Variants in SDK1 observed in about 807,000 individuals in gnomAD.
SDK1 encodes the protein sidekick cell adhesion molecule 1.
SDK1 carries 157 observed loss-of-function variants against 245.5 expected under a neutral mutation model. That is an observed-to-expected ratio of 0.64 (90% CI 0.56 to 0.73). SDK1 has a LOEUF of 0.73. SDK1 is among the 30% of genes least tolerant of loss of function. The probability of loss-of-function intolerance (pLI) is 0.00; values close to 1 mark genes in which losing one functional copy is unlikely to be tolerated. For missense variants in SDK1, 3,583 were observed against 3,002.3 expected (o/e 1.19, Z -4.52); for synonymous variants, 1,647 against 1,278.5 (o/e 1.29, Z -6.15).
At chr7:3,722,606 T>A (rs1218642829) in intron 4 of SDK1, among the ~76,000 whole-genome samples, 1 of 152,218 alleles carries the variant, frequency 6.6e-6, no homozygotes, top group Non-Finnish European at 1.5e-5. Context: ...CTTAGCACGC[T>A]GCACAATTCC....
intron 4 of SDK1, among the ~76,000 whole-genome samples, chr7:3,809,919 G>A (rs1220216400): frequency 1.3e-5 from 2 of 152,176 alleles, no homozygotes; most frequent in African/African-American, 4.8e-5. Flanking sequence ...AGCTCACGAA[G>A]TAAGAATGGC....
At chr7:3,464,409 TAC>T (rs1395487272) in intron 1 of SDK1, among the ~76,000 whole-genome samples, 1 of 152,092 alleles carries the variant, frequency 6.6e-6, no homozygotes, top group Non-Finnish European at 1.5e-5. Context: ...TAGCCCCAGC[TAC>T]ACAGGAGACT....
intron 4 of SDK1, among the ~76,000 whole-genome samples, chr7:3,678,082 A>C (rs1045392741): frequency 6.6e-6 from 1 of 152,198 alleles, no homozygotes; most frequent in Non-Finnish European, 1.5e-5. Context: ...CCACAATTAG[A>C]CACAACTTCA....
At chr7:3,369,601 TATTGAAGAATAGG>T (rs1465439813) in intron 1 of SDK1, among the ~76,000 whole-genome samples, 2 of 152,248 alleles carry the variant, frequency 1.3e-5, no homozygotes, top group African/African-American at 4.8e-5. Context: ...TTACATCTCC[TATTGAAGAATAGG>T]ATGTTGTATA....
chr7:3,890,351 C>T (rs901836752), intron 5 of SDK1, among the ~76,000 whole-genome samples: 11 of 152,124 alleles, frequency 7.2e-5, no homozygotes, highest in Non-Finnish European at 1.0e-4. Context: ...GACTTTGTGC[C>T]GGGAAAAATG....
intron 32 of SDK1, among the ~76,000 whole-genome samples, chr7:4,162,801 T>G (rs1332244151): frequency 1.3e-5 from 2 of 152,200 alleles, no homozygotes; most frequent in Admixed American, 6.5e-5. Flanking sequence ...AATGCTCCAG[T>G]AAGGCATTGA....
At chr7:3,529,494 A>G (rs757026032) in intron 1 of SDK1, among the ~76,000 whole-genome samples, 2 of 152,206 alleles carry the variant, frequency 1.3e-5, no homozygotes, top group African/African-American at 4.8e-5. Flanking sequence ...AATTTGAGCA[A>G]GAGAGTAAAT....
At chr7:3,390,532 GGCTTTT>G (rs1263943615) in intron 1 of SDK1, among the ~76,000 whole-genome samples, 12 of 152,204 alleles carry the variant, frequency 7.9e-5, no homozygotes, top group African/African-American at 2.7e-4. Context: ...TTGGAAATTG[GGCTTTT>G]GCAGATGTAA....
In SDK1 at chr7:3,614,113, G is replaced by GA. The variant is rs529085251; in HGVS notation, c.299-4965dup. Reference sequence around the variant, plus strand: ...ATGTAACAAACCTGCACATCCTGCTGAACCTGAACTTAAAAGTTAAAAATT... The same window carrying GA: ...ATGTAACAAACCTGCACATCCTGCTGAAACCTGAACTTAAAAGTTAAAAATT... On this transcript the variant is annotated intron_variant, in intron 1 of 44. Coordinates refer to ENST00000404826, the MANE Select transcript of SDK1 (RefSeq NM_152744.4). Among the ~76,000 whole-genome samples the GA allele has an allele frequency of 1.4e-3, 211 of 152,256 alleles. 1 individual carries two copies. Among genetic ancestry groups the GA allele is most frequent in the African/African-American group, 4.8e-3 (200 of 41,536 alleles).
intron 19 of SDK1, among the ~76,000 whole-genome samples, chr7:4,055,742 T>G (rs991091743): frequency 3.9e-5 from 6 of 152,132 alleles, no homozygotes; most frequent in Non-Finnish European, 7.4e-5. Context: ...TGAAGACCTT[T>G]CCTTGTTTCC....
In SDK1 at chr7:3,337,144, A is replaced by C. The variant is rs1780222549; in HGVS notation, c.298+35260A>C. On this transcript the variant is annotated intron_variant, in intron 1 of 44. Transcript: ENST00000404826. Reference sequence around the variant, plus strand: ...CAAGGATTTGAAAGCTGCTATGATAAAATGTTTCAACAAGCTATTACAAAT... The same window carrying C: ...CAAGGATTTGAAAGCTGCTATGATACAATGTTTCAACAAGCTATTACAAAT... Among the ~76,000 whole-genome samples the C allele has an allele frequency of 2.6e-5, 4 of 152,344 alleles. No individual in the cohort carries two copies. In the South Asian group the frequency reaches 8.3e-4, roughly 32 times the overall value.
rs569929164 is a variant in SDK1, at chr7:3,974,114, G to T, written c.1818-255G>T. On this transcript the variant is annotated intron_variant, in intron 12 of 44. Coordinates refer to ENST00000404826, the MANE Select transcript of SDK1 (RefSeq NM_152744.4). ...CACAAGAATTGCTTGAACCCAGGAGGTGGAGGCTGCAGTGGGCCAAGATCA... is the reference window on the plus strand; with the variant it reads ...CACAAGAATTGCTTGAACCCAGGAGTTGGAGGCTGCAGTGGGCCAAGATCA... Among the ~76,000 whole-genome samples the T allele has an allele frequency of 2.7e-5, 4 of 150,548 alleles. No homozygotes were observed. The South Asian group carries it at 8.4e-4, about 32-fold the overall frequency.
chr7:4,105,990 C>G (rs1782876703), intron 22 of SDK1, among the ~76,000 whole-genome samples: 1 of 152,088 alleles, frequency 6.6e-6, no homozygotes, highest in Non-Finnish European at 1.5e-5. Context: ...GGCACCTGTT[C>G]CAATCGACAT....
At chr7:3,455,986 A>G (rs1285114596) in intron 1 of SDK1, among the ~76,000 whole-genome samples, 1 of 152,184 alleles carries the variant, frequency 6.6e-6, no homozygotes, top group Non-Finnish European at 1.5e-5. Context: ...TCATTCCTCA[A>G]GGGTGATTTC....
chr7:3,552,863 A>G (rs1347860392), intron 1 of SDK1, among the ~76,000 whole-genome samples: 1 of 152,206 alleles, frequency 6.6e-6, no homozygotes, highest in Non-Finnish European at 1.5e-5. Context: ...GTAAGTTGGG[A>G]TCTTACTGTT....
At chr7:3,314,434 A>C (rs1779616464) in intron 1 of SDK1, among the ~76,000 whole-genome samples, 2 of 152,200 alleles carry the variant, frequency 1.3e-5, no homozygotes, top group Non-Finnish European at 2.9e-5. Context: ...AGTTAGATTA[A>C]ATGTGCAGGG....
chr7:3,695,127 A>C (rs1784536131), intron 4 of SDK1, among the ~76,000 whole-genome samples: 1 of 152,188 alleles, frequency 6.6e-6, no homozygotes, highest in South Asian at 2.1e-4. Context: ...CTCTTTCTTA[A>C]TTGCTAAAAA....
At chr7:3,681,709 ATAG>A (rs1202268883) in intron 4 of SDK1, among the ~76,000 whole-genome samples, 2 of 152,218 alleles carry the variant, frequency 1.3e-5, no homozygotes, top group African/African-American at 4.8e-5. Context: ...AACATGGGAC[ATAG>A]TAGGCACATA....
intron 19 of SDK1, among the ~76,000 whole-genome samples, chr7:4,059,410 A>T (rs1337307093): frequency 6.6e-6 from 1 of 152,256 alleles, no homozygotes; most frequent in Non-Finnish European, 1.5e-5. Context: ...TTCTAAACAT[A>T]TATAGACCAA....
Sources: gnomAD v4.1 joint callset for allele counts (sites outside exome capture counted in the v4.1 genomes callset) on GRCh38, gnomAD v4.1.1 for gene constraint, MANE v1.5 for transcripts, NCBI Gene and HGNC (gene_info 2026-07-23, HGNC 2026-07-21) for gene names.